Variants in NTM observed in about 807,000 individuals in gnomAD.
The protein encoded by NTM is IgLON family member 2.
NTM carries 13 observed loss-of-function variants against 42.1 expected under a neutral mutation model. The ratio of observed to expected loss-of-function variants is 0.31; its 90% confidence interval spans 0.20 to 0.49. The LOEUF (loss-of-function observed/expected upper bound fraction) is 0.49. Ranked by LOEUF, NTM falls within the 20% of genes least tolerant of loss-of-function variation. The pLI is 0.99. For synonymous variants in NTM, 187 were observed against 179.2 expected, an observed-to-expected ratio of 1.04 and a Z score of -0.35; for missense variants, 373 against 452.8, an observed-to-expected ratio of 0.82 and a Z score of 1.60.
At chr11:131,910,819 C>T (rs1211817865) in intron 1 of NTM, 3 of 984,474 alleles carry the variant, frequency 3.0e-6, no homozygotes, top group African/African-American at 1.8e-5. Context: ...CGGACAGCGG[C>T]GGCCGCAGCG....
At chr11:131,781,642 G>T (rs1027961161) in intron 1 of NTM, among the ~76,000 whole-genome samples, 2 of 152,180 alleles carry the variant, frequency 1.3e-5, no homozygotes, top group Non-Finnish European at 1.5e-5. Context: ...TTCTGGCAAT[G>T]AGAGATTAGT....
At chr11:131,500,721 C>T (rs1347657429) in intron 1 of NTM, among the ~76,000 whole-genome samples, 3 of 133,596 alleles carry the variant, frequency 2.2e-5, no homozygotes, top group Non-Finnish European at 4.8e-5. Flanking sequence ...TCTCCTAATG[C>T]TATCCCTCCC....
chr11:131,518,224 C>T (rs771931083), intron 1 of NTM, among the ~76,000 whole-genome samples: 6 of 152,050 alleles, frequency 3.9e-5, no homozygotes, highest in South Asian at 2.1e-4. Context: ...GATTTGACAG[C>T]GAAACGGAGG....
chr11:131,989,884 G>A (rs191930339), intron 2 of NTM, among the ~76,000 whole-genome samples: 206 of 152,208 alleles, frequency 1.4e-3, no homozygotes, highest in South Asian at 4.3e-3. Flanking sequence ...GTAGTAATAC[G>A]TGAGATTTCT....
At chr11:131,637,173 T>TTCCA (rs2064505618) in intron 1 of NTM, among the ~76,000 whole-genome samples, 2 of 151,984 alleles carry the variant, frequency 1.3e-5, no homozygotes, top group Admixed American at 6.5e-5. Context: ...CTTCCAAAAA[T>TTCCA]AAGTCCAGTG....
At chr11:131,782,112 T>A (rs1363601729) in intron 1 of NTM, among the ~76,000 whole-genome samples, 1 of 152,190 alleles carries the variant, frequency 6.6e-6, no homozygotes, top group African/African-American at 2.4e-5. Flanking sequence ...AAACGTTTAT[T>A]ATTTGAAAAG....
At chr11:132,318,844 C>T (rs73028637) in intron 7 of NTM, among the ~76,000 whole-genome samples, 4,153 of 152,116 alleles carry the variant, frequency 0.027, 73 homozygotes, top group Non-Finnish European at 0.042. Context: ...TGGCTGTAGA[C>T]TTTGGAGGTG....
At chr11:131,673,309 T>G (rs1171367908) in intron 1 of NTM, among the ~76,000 whole-genome samples, 1 of 152,106 alleles carries the variant, frequency 6.6e-6, no homozygotes, top group Non-Finnish European at 1.5e-5. Flanking sequence ...CCAGTCCATT[T>G]CCACTAACTT....
At chr11:132,327,781 CTCCCCTT>C (rs951943411) in intron 7 of NTM, among the ~76,000 whole-genome samples, 2 of 151,918 alleles carry the variant, frequency 1.3e-5, no homozygotes, top group African/African-American at 4.8e-5. Flanking sequence ...CTGTCCCCCT[CTCCCCTT>C]TCCTCTCTCC....
intron 1 of NTM, among the ~76,000 whole-genome samples, chr11:131,620,066 G>C (rs955817081): frequency 6.6e-6 from 1 of 152,158 alleles, no homozygotes; most frequent in Non-Finnish European, 1.5e-5. Context: ...GCCTCCCAAA[G>C]TGTTGGGATT....
chr11:132,254,824 A>T (rs2092335248), intron 4 of NTM, among the ~76,000 whole-genome samples: 1 of 152,046 alleles, frequency 6.6e-6, no homozygotes, highest in South Asian at 2.1e-4. Flanking sequence ...TGGGGTTCTC[A>T]TTCTTGGCGC....
chr11:131,424,600 C>CTTTTCTTTTTT lies in NTM; in HGVS notation c.82+53716_82+53717insCTTTTTTTTTT, dbSNP rs1555108116. Among the ~76,000 whole-genome samples the CTTTTCTTTTTT allele has an allele frequency of 9.6e-3, 540 of 56,042 alleles. 23 individuals are homozygous for CTTTTCTTTTTT. Among genetic ancestry groups the CTTTTCTTTTTT allele is most frequent in the Middle Eastern group, 0.045 (4 of 88 alleles). The allele number at this position is 56,042 out of a possible 152,430, so 36.8% of individuals were successfully genotyped here. A position where few individuals can be genotyped will look rare whatever the true frequency, so the allele number is the denominator to read the frequency against. The stretch of plus-strand genomic sequence containing the variant: ...AGTTGTTTTTTATTTCTTTTCTTTT[C>CTTTTCTTTTTT]TTTTTTTTTTTTTTTTTTGGCGCAA... On this transcript the variant is annotated intron_variant, in intron 1 of 8. Coordinates refer to ENST00000683400, the MANE Select transcript of NTM (RefSeq NM_001352005.2).
At chr11:132,134,757 A>ATATCTATCTATC (rs57940839) in intron 2 of NTM, among the ~76,000 whole-genome samples, 9 of 97,326 alleles carry the variant, frequency 9.2e-5, no homozygotes, top group East Asian at 4.3e-4. Context: ...ATATATATAT[A>ATATCTATCTATC]TATCTCACAT....
chr11:131,919,477 T>C (rs2056908033), intron 2 of NTM, among the ~76,000 whole-genome samples: 1 of 152,122 alleles, frequency 6.6e-6, no homozygotes, highest in South Asian at 2.1e-4. Flanking sequence ...AGTACAATCA[T>C]TGGAGACAAA....
rs1370981495 is a variant in NTM, at chr11:132,302,175, C to T, written c.527-5514C>T. 3.3e-5 allele frequency among the ~76,000 whole-genome samples: 5 copies of T among 152,138 alleles called. No homozygotes were observed. In the East Asian group the frequency reaches 9.7e-4, roughly 29 times the overall value. ...ATCACATATCCAGCTTGCTTCATTT[C>T]CCTGCTTCGGTTGTCGTATTCCACT... On this transcript the variant is annotated intron_variant, in intron 4 of 8. Coordinates refer to ENST00000683400, the MANE Select transcript of NTM (RefSeq NM_001352005.2).
chr11:131,838,979 T>C (rs2043871881), intron 1 of NTM, among the ~76,000 whole-genome samples: 1 of 151,274 alleles, frequency 6.6e-6, no homozygotes, highest in East Asian at 1.9e-4. Context: ...TTTTTTTTTT[T>C]AGATGGAGTC....
chr11:132,027,104 T>G (rs778286046), intron 2 of NTM, among the ~76,000 whole-genome samples: 2 of 152,024 alleles, frequency 1.3e-5, no homozygotes, highest in Non-Finnish European at 2.9e-5. Flanking sequence ...AAAAGCAGAG[T>G]TTACTGACTG....
intron 2 of NTM, among the ~76,000 whole-genome samples, chr11:132,077,587 A>T (rs1476224101): frequency 2.0e-5 from 3 of 152,194 alleles, no homozygotes; most frequent in Non-Finnish European, 2.9e-5. Context: ...AGACTCAGAG[A>T]GACTAAGTGT....
chr11:131,477,218 C>G (rs1953041392), intron 1 of NTM, among the ~76,000 whole-genome samples: 1 of 152,078 alleles, frequency 6.6e-6, no homozygotes, highest in African/African-American at 2.4e-5. Flanking sequence ...TTATAAGAAT[C>G]CTAGTCATAA....
Sources: allele counts gnomAD v4.1 joint callset (sites outside exome capture counted in the v4.1 genomes callset), GRCh38; gene constraint gnomAD v4.1.1; transcripts MANE v1.5; gene names NCBI Gene and HGNC (gene_info 2026-07-23, HGNC 2026-07-21).